The following ZNF385C variants were observed in gnomAD, a reference collection of about 807,000 sequenced individuals.
ZNF385C encodes zinc finger protein 385C.
ZNF385C carries 28 observed loss-of-function variants against 35.4 expected under a neutral mutation model. That is an observed-to-expected ratio of 0.79 (90% confidence interval 0.59 to 1.08). The LOEUF (loss-of-function observed/expected upper bound fraction) is 1.08. ZNF385C is among the 50% of genes least tolerant of loss of function. The pLI, the probability that ZNF385C is intolerant of heterozygous loss-of-function variation, is 0.00. For synonymous variants in ZNF385C, 248 were observed against 248.2 expected, an observed-to-expected ratio of 1.00 and a Z score of 0.01; for missense variants, 605 against 595.6, an observed-to-expected ratio of 1.02 and a Z score of -0.16.
intron 2 of ZNF385C, chr17:42,039,574 G>A (rs542291030): frequency 2.8e-5 from 23 of 835,406 alleles, no homozygotes; most frequent in African/African-American, 8.8e-5. Context: ...CCAGAAGGGC[G>A]GGTGGATGGC....
At chr17:42,087,736 G>T (rs2053823778) in intron 1 of ZNF385C, among the ~76,000 whole-genome samples, 1 of 152,060 alleles carries the variant, frequency 6.6e-6, no homozygotes, top group African/African-American at 2.4e-5. Context: ...GACCAACCAG[G>T]GGAACATAGC....
Position 42,027,646 on chromosome 17 carries a change from T to C in ZNF385C, c.1247A>G (p.His416Arg), listed in dbSNP as rs1555654404. Residue 416 changes from histidine (H) to arginine (R), a missense_variant, in exon 8 of 9, where the codon CAC (histidine) becomes CGC (arginine). His to Arg is a conservative substitution (Grantham distance 29). Transcript: ENST00000692273. ...GAGGATACTCACAGCCAGCGCTGCG[T>C]GCTTCTGCAGCTTGCTGTGCTGGCT... is the stretch of plus-strand genomic sequence containing the variant. ...PSSQHSKLQK[H>R]AALAVSILKS... is the part of the protein sequence containing the mutation. 1.3e-6 allele frequency: 2 copies of C among 1,556,964 alleles called. No homozygotes were observed. Among genetic ancestry groups the C allele is most frequent in the South Asian group, 2.2e-5 (2 of 89,732 alleles).
intron 2 of ZNF385C, among the ~76,000 whole-genome samples, chr17:42,054,481 AG>A (rs1250429746): frequency 6.6e-6 from 1 of 151,960 alleles, no homozygotes; most frequent in Non-Finnish European, 1.5e-5. Context: ...GCAGGGATCC[AG>A]GTGTCTTGCC....
rs1020423031 is a variant in ZNF385C, at chr17:42,095,078, G to A, written c.-3+3332C>T. On this transcript the variant is annotated intron_variant, in intron 1 of 8. Coordinates refer to ENST00000692273, the MANE Select transcript of ZNF385C (RefSeq NM_001392013.1). The surrounding 1 kb of genome is among the most constrained non-coding windows in gnomAD (Gnocchi z 4.4). ...CGGGCATGCGTACCTGAGTGAGTTT[G>A]TGAGTGTCTGTACACGTGTGTGGAT... 6.6e-6 allele frequency among the ~76,000 whole-genome samples: 1 copy of A among 152,156 alleles called. No homozygotes were observed. Among genetic ancestry groups the A allele is most frequent in the Non-Finnish European group, 1.5e-5 (1 of 68,000 alleles).
At chr17:42,087,591 CA>C (rs1339137142) in intron 1 of ZNF385C, among the ~76,000 whole-genome samples, 1 of 152,202 alleles carries the variant, frequency 6.6e-6, no homozygotes. Context: ...CACAGCCCCA[CA>C]TCTCTTGCTT....
At chr17:42,045,776 G>A (rs2053147417) in intron 2 of ZNF385C, among the ~76,000 whole-genome samples, 1 of 152,140 alleles carries the variant, frequency 6.6e-6, no homozygotes, top group African/African-American at 2.4e-5. Context: ...GAGACAGCAA[G>A]CTCACACATA....
At chr17:42,028,008 C>T in intron 7 of ZNF385C, 42 bp downstream of exon 7, 1 of 1,598,258 alleles carries the variant, frequency 6.3e-7, no homozygotes, top group South Asian at 1.1e-5. Context: ...CCCCAACCCC[C>T]TCCCCTGGCT....
At chr17:42,039,825 CCCCCGGCCTT>C in intron 2 of ZNF385C, 2 of 1,232,222 alleles carry the variant, frequency 1.6e-6, no homozygotes, top group Non-Finnish European at 1.0e-6. Flanking sequence ...CCATGTGGCC[CCCCCGGCCTT>C]CCCCGGCCCC....
intron 1 of ZNF385C, among the ~76,000 whole-genome samples, chr17:42,065,552 C>T (rs2053535069): frequency 6.6e-6 from 1 of 152,150 alleles, no homozygotes; most frequent in Non-Finnish European, 1.5e-5. Context: ...CCCCAGATGC[C>T]ACCCCCATTC....
intron 3 of ZNF385C, 83 bp from the exon 4 acceptor site, chr17:42,034,418 T>A: frequency 1.1e-6 from 1 of 906,316 alleles, no homozygotes; most frequent in Non-Finnish European, 1.7e-6. Context: ...TGCCCAAAAC[T>A]AAAGATGACT....
At chr17:42,038,183 C>T in intron 2 of ZNF385C, 1 of 965,282 alleles carries the variant, frequency 1.0e-6, no homozygotes, top group South Asian at 1.6e-5. Context: ...AAGAGAGGGA[C>T]AGAGGGGTCT....
chr17:42,027,998 C>G (rs2052632693), intron 7 of ZNF385C, 52 bp downstream of exon 7: 1 of 1,585,228 alleles, frequency 6.3e-7, no homozygotes, highest in Non-Finnish European at 8.6e-7. Context: ...CTGCCCTGCC[C>G]CCCAACCCCC....
Position 42,075,851 on chromosome 17 carries a change from G to A in ZNF385C, c.-2-12793C>T. 1.3e-5 allele frequency among the ~76,000 whole-genome samples: 2 copies of A among 152,218 alleles called. 1 individual carries two copies. The highest frequency in any genetic ancestry group is 4.1e-4 in the South Asian group (2 of 4,830). On this transcript the variant is annotated intron_variant, in intron 1 of 8. Transcript: ENST00000692273. ...CCTCCATAGAACAGAAAAAGGGACA[G>A]CACAACCTCCCCCCATCTCTGCCCT...
At chr17:42,030,870 G>C (rs1555654949) in intron 5 of ZNF385C, among the ~76,000 whole-genome samples, 3 of 152,140 alleles carry the variant, frequency 2.0e-5, no homozygotes, top group Non-Finnish European at 4.4e-5. Flanking sequence ...TATAAGCCAA[G>C]GAGTGCCAAG....
At chr17:42,088,093 C>G (rs1555660245) in intron 1 of ZNF385C, among the ~76,000 whole-genome samples, 1 of 152,080 alleles carries the variant, frequency 6.6e-6, no homozygotes, top group African/African-American at 2.4e-5. Context: ...TTACCTGAGT[C>G]AATATTTGCA....
chr17:42,088,681 C>T (rs1555660285), intron 1 of ZNF385C, among the ~76,000 whole-genome samples: 1 of 152,242 alleles, frequency 6.6e-6, no homozygotes, highest in Non-Finnish European at 1.5e-5. Context: ...CTCCAAGTGG[C>T]CAGAGCCTGG....
chr17:42,030,556 CTA>C (rs1555654906), intron 5 of ZNF385C, among the ~76,000 whole-genome samples: 3 of 152,240 alleles, frequency 2.0e-5, no homozygotes, highest in Admixed American at 2.0e-4. Flanking sequence ...CCTGCACACT[CTA>C]TGTTTCACCA....
In ZNF385C at chr17:42,025,985, C is replaced by T. The variant is rs2052569558; in HGVS notation, c.*912G>A. The T allele has an allele frequency of 6.6e-6, 1 of 152,086 alleles. No homozygotes were observed. Among genetic ancestry groups the T allele is most frequent in the Non-Finnish European group, 1.5e-5 (1 of 68,058 alleles). 9.4% of individuals were successfully genotyped at this position (152,086 alleles called of 1,614,324 possible). A position where few individuals can be genotyped will look rare whatever the true frequency, so the allele number is the denominator to read the frequency against. On this transcript the variant is annotated 3_prime_UTR_variant, in exon 9 of 9. Coordinates refer to ENST00000692273, the MANE Select transcript of ZNF385C (RefSeq NM_001392013.1). Reference sequence around the variant, plus strand: ...GTTCGGTGTTAGCTGAGTCCATAGTCTGAGGGAGACCCACACCCGCCCTCC... The same window carrying T: ...GTTCGGTGTTAGCTGAGTCCATAGTTTGAGGGAGACCCACACCCGCCCTCC...
chr17:42,051,201 C>T (rs1190705277), intron 2 of ZNF385C, among the ~76,000 whole-genome samples: 6 of 151,858 alleles, frequency 4.0e-5, no homozygotes, highest in African/African-American at 7.3e-5. Context: ...GGGATTTTGA[C>T]CTTCCCACCT....
Sources: gnomAD v4.1 joint callset for allele counts (sites outside exome capture counted in the v4.1 genomes callset) on GRCh38, gnomAD v4.1.1 for gene constraint, Gnocchi (gnomAD v3.1) non-coding constraint, MANE v1.5 for transcripts, NCBI Gene and HGNC (gene_info 2026-07-23, HGNC 2026-07-21) for gene names.